SLCO6A1: variants seen among roughly 807,000 people sequenced by gnomAD.
SLCO6A1 encodes the protein cancer/testis antigen 48.
In SLCO6A1, 65 loss-of-function variants were observed where a neutral mutation model predicts 72.7. The observed-to-expected ratio is 0.89, with a 90% CI of 0.73 to 1.10. The LOEUF (loss-of-function observed/expected upper bound fraction) is 1.10, where lower values mean the gene tolerates loss of function less well. Ranked by LOEUF, SLCO6A1 falls within the 50% of genes least tolerant of loss-of-function variation. SLCO6A1 has a pLI of 0.00. For missense variants in SLCO6A1, 874 were observed against 872.6 expected, an observed-to-expected ratio of 1.00 and a Z score of -0.02; for synonymous variants, 314 against 298.2, an observed-to-expected ratio of 1.05 and a Z score of -0.55.
At chr5:102,405,847 T>C (rs938829994) in intron 9 of SLCO6A1, among the ~76,000 whole-genome samples, 7 of 152,068 alleles carry the variant, frequency 4.6e-5, no homozygotes, top group African/African-American at 1.7e-4. Flanking sequence ...AATTTGAATA[T>C]ATGTATAGCT....
chr5:102,395,600 C>T (rs914105020), intron 10 of SLCO6A1, among the ~76,000 whole-genome samples: 74 of 152,064 alleles, frequency 4.9e-4, no homozygotes, highest in African/African-American at 1.8e-3. Context: ...GTTCTAGATC[C>T]CTAAGGAATC....
chr5:102,462,402 G>A (rs1056082906), intron 4 of SLCO6A1, among the ~76,000 whole-genome samples: 1 of 151,958 alleles, frequency 6.6e-6, no homozygotes, highest in Non-Finnish European at 1.5e-5. Context: ...AATTCACATG[G>A]AACTGAAAAA....
intron 6 of SLCO6A1, among the ~76,000 whole-genome samples, chr5:102,456,268 G>A (rs1750707634): frequency 1.3e-5 from 2 of 152,188 alleles, no homozygotes; most frequent in East Asian, 1.9e-4. Context: ...CAATCAGGTA[G>A]GAGAATGAAA....
chr5:102,410,261 C>T lies in SLCO6A1; in HGVS notation c.1626+2729G>A, dbSNP rs545523686. Among the ~76,000 whole-genome samples, 14 of 152,074 alleles carry T rather than the reference C, an allele frequency of 9.2e-5. No homozygotes were observed. In the South Asian group the frequency reaches 2.9e-3, roughly 32 times the overall value. On this transcript the variant is annotated intron_variant, in intron 9 of 13. Coordinates refer to ENST00000506729, the MANE Select transcript of SLCO6A1 (RefSeq NM_173488.5). ...TTGCTCCTCTCTGCAACTGGTCATC[C>T]CCATGTCTGCAGCTCTAAGCAGAGA...
intron 6 of SLCO6A1, among the ~76,000 whole-genome samples, chr5:102,443,813 G>A (rs1361501558): frequency 3.3e-5 from 5 of 152,150 alleles, no homozygotes; most frequent in Non-Finnish European, 7.4e-5. Context: ...AAGCCAGATA[G>A]ATATACAAAT....
chr5:102,485,619 C>T (rs1319029462), intron 1 of SLCO6A1, among the ~76,000 whole-genome samples: 1 of 152,204 alleles, frequency 6.6e-6, no homozygotes, highest in African/African-American at 2.4e-5. Flanking sequence ...TGTGTTATTA[C>T]ACGTGTTGGG....
At chr5:102,497,115 T>C (rs1439844148) in intron 1 of SLCO6A1, among the ~76,000 whole-genome samples, 1 of 152,174 alleles carries the variant, frequency 6.6e-6, no homozygotes, top group African/African-American at 2.4e-5. Context: ...CAAATTCCAA[T>C]GCCATCATTG....
chr5:102,375,326 G>A (rs1037388669), intron 12 of SLCO6A1, among the ~76,000 whole-genome samples: 1 of 152,166 alleles, frequency 6.6e-6, no homozygotes, highest in African/African-American at 2.4e-5. Context: ...TTTGAAGCCA[G>A]TAGGGAACCA....
At chr5:102,484,504 C>A (rs1181907081) in intron 1 of SLCO6A1, among the ~76,000 whole-genome samples, 2 of 151,958 alleles carry the variant, frequency 1.3e-5, no homozygotes, top group Non-Finnish European at 2.9e-5. Context: ...CAAAAATTAG[C>A]CAGGCGTGGT....
chr5:102,474,652 G>C (rs528839911), intron 4 of SLCO6A1, among the ~76,000 whole-genome samples: 83 of 151,996 alleles, frequency 5.5e-4, no homozygotes, highest in Non-Finnish European at 1.0e-3. Context: ...CAGAATGGGA[G>C]AAAACATTTG....
intron 1 of SLCO6A1, among the ~76,000 whole-genome samples, chr5:102,493,728 G>A (rs1752787552): frequency 1.3e-5 from 2 of 152,046 alleles, no homozygotes; most frequent in African/African-American, 4.8e-5. Context: ...ATATAATAAT[G>A]TATACTAAAA....
Position 102,497,022 on chromosome 5 carries a change from T to C in SLCO6A1, c.358+1465A>G, listed in dbSNP as rs1267696217. Among the ~76,000 whole-genome samples the C allele has an allele frequency of 3.3e-5, 5 of 152,270 alleles. No homozygotes were observed. In the East Asian group the frequency reaches 9.6e-4, roughly 29 times the overall value. On this transcript the variant is annotated intron_variant, in intron 1 of 13. Coordinates refer to ENST00000506729, the MANE Select transcript of SLCO6A1 (RefSeq NM_173488.5). Reference sequence around the variant, plus strand: ...CTCGATGACAATTTATTAGTTTTTCTAGTATGGGTCTTACAACATACAGCC... The same window carrying C: ...CTCGATGACAATTTATTAGTTTTTCCAGTATGGGTCTTACAACATACAGCC...
intron 6 of SLCO6A1, among the ~76,000 whole-genome samples, chr5:102,455,946 A>T (rs566724784): frequency 1.0e-3 from 152 of 152,276 alleles, no homozygotes; most frequent in Admixed American, 1.8e-3. Context: ...CAAGGCTGGT[A>T]CAACATATGC....
rs144547068 is a variant in SLCO6A1, at chr5:102,449,628, C to T, written c.1131+8754G>A. Among the ~76,000 whole-genome samples the T allele has an allele frequency of 8.3e-3, 1,266 of 152,212 alleles. 17 individuals carry two copies. The highest frequency in any genetic ancestry group is 0.028 in the African/African-American group (1,177 of 41,542). ...GTCTTGATCTCCTGACCTCGTGATCCGCCCGCCTCGGCCCCCCAAAGTGCT... is the reference window on the plus strand; with the variant it reads ...GTCTTGATCTCCTGACCTCGTGATCTGCCCGCCTCGGCCCCCCAAAGTGCT... On this transcript the variant is annotated intron_variant, in intron 6 of 13. Coordinates refer to ENST00000506729, the MANE Select transcript of SLCO6A1 (RefSeq NM_173488.5).
chr5:102,442,375 G>T (rs942062041), intron 6 of SLCO6A1, among the ~76,000 whole-genome samples: 1 of 151,976 alleles, frequency 6.6e-6, no homozygotes, highest in Non-Finnish European at 1.5e-5. Flanking sequence ...TTAAATTACT[G>T]GTTCACTATC....
At chr5:102,412,392 A>G (rs1333713656) in intron 9 of SLCO6A1, among the ~76,000 whole-genome samples, 1 of 152,088 alleles carries the variant, frequency 6.6e-6, no homozygotes, top group Non-Finnish European at 1.5e-5. Flanking sequence ...GACTCTTTTC[A>G]TTGACATTTT....
At chr5:102,402,731 G>A (rs1747467886) in intron 9 of SLCO6A1, among the ~76,000 whole-genome samples, 1 of 152,060 alleles carries the variant, frequency 6.6e-6, no homozygotes, top group African/African-American at 2.4e-5. Context: ...CTCTTGATGA[G>A]GGCAAAGTCT....
At chr5:102,394,420 T>A (rs1482105831) in intron 10 of SLCO6A1, among the ~76,000 whole-genome samples, 1 of 151,860 alleles carries the variant, frequency 6.6e-6, no homozygotes, top group Non-Finnish European at 1.5e-5. Flanking sequence ...TGCTTGCTTA[T>A]ACTCCTATCC....
intron 6 of SLCO6A1, among the ~76,000 whole-genome samples, chr5:102,453,504 CTTCT>C (rs1750543693): frequency 6.6e-6 from 1 of 152,084 alleles, no homozygotes; most frequent in East Asian, 1.9e-4. Flanking sequence ...GCCACATTTT[CTTCT>C]TTCTTTGCAT....
Sources: allele counts gnomAD v4.1 joint callset (sites outside exome capture counted in the v4.1 genomes callset), GRCh38; gene constraint gnomAD v4.1.1; transcripts MANE v1.5; gene names NCBI Gene and HGNC (gene_info 2026-07-23, HGNC 2026-07-21).